ADAM18: variants seen among roughly 807,000 people sequenced by gnomAD.
The protein encoded by ADAM18 is ADAM metallopeptidase domain 18, also known as disintegrin and metalloproteinase domain-containing protein 18.
A neutral mutation model predicts 94.4 loss-of-function variants in ADAM18; 117 were observed. That is an observed-to-expected ratio of 1.24 (90% CI 1.07 to 1.45). The LOEUF is 1.45. Ranked by LOEUF, ADAM18 falls within the 40% of genes most tolerant of loss-of-function variation. ADAM18 has a pLI of 0.00. For missense variants in ADAM18, 936 were observed against 880.0 expected, an observed-to-expected ratio of 1.06 and a Z score of -0.81; for synonymous variants, 327 against 291.6, an observed-to-expected ratio of 1.12 and a Z score of -1.24.
At chr8:39,628,218 C>T (rs556803277) in intron 6 of ADAM18, among the ~76,000 whole-genome samples, 267 of 151,708 alleles carry the variant, frequency 1.8e-3, no homozygotes, top group African/African-American at 6.2e-3. Flanking sequence ...AAAAAACACA[C>T]CAATAATGAA....
chr8:39,653,191 A>G (rs550789481), intron 12 of ADAM18, among the ~76,000 whole-genome samples: 21 of 152,300 alleles, frequency 1.4e-4, no homozygotes, highest in African/African-American at 2.9e-4. Context: ...TTGTGTGTCA[A>G]CGCATGTGTT....
In ADAM18 at chr8:39,584,678, G is replaced by A. The variant is rs143451231; in HGVS notation, c.55+1G>A. On this transcript the variant is annotated splice_donor_variant, in intron 1 of 19. Transcript: ENST00000265707. LOFTEE classifies it high-confidence loss of function. ...CTTGGAAGACTGCAAGCCCACGAAG[G>A]TAAGTCCATGGGAGCCTCCCCTTTC... 9.7e-5 allele frequency: 156 copies of A among 1,613,022 alleles called. No homozygotes were observed. In the African/African-American group the frequency reaches 2.0e-3, roughly 20 times the overall value.
At position 39,662,775 on chromosome 8, in the gene ADAM18, C is replaced by G. The variant is rs1256145728; in HGVS notation, c.1231-1020C>G. On this transcript the variant is annotated intron_variant, in intron 12 of 19. Transcript: ENST00000265707. ...GAGTAGCTGGGATTACAGGCACACA[C>G]CACCACGCCTGGCTAATTTTTGTAT... Among the ~76,000 whole-genome samples, 3 of 152,072 alleles carry G rather than the reference C, an allele frequency of 2.0e-5. No individual in the cohort carries two copies. The South Asian group carries it at 6.2e-4, about 32-fold the overall frequency.
At position 39,637,638 on chromosome 8, in the gene ADAM18, A is replaced by G; in HGVS notation, c.762A>G (p.Gln254=). The G allele has an allele frequency of 1.2e-6, 2 of 1,612,866 alleles. No homozygotes were observed. The highest frequency in any genetic ancestry group is 1.7e-5 in the Admixed American group (1 of 59,848). ...GTGGGGATGCTGATGATATATTACA[A>G]AGATTTTTGGCATGGAAACGGGACT... ...STSGDADDIL[Q]RFLAWKRDYL... Residue 254 remains glutamine, a synonymous_variant, in exon 9 of 20, where the codon CAA becomes CAG. Coordinates refer to ENST00000265707, the MANE Select transcript of ADAM18 (RefSeq NM_014237.3).
chr8:39,645,991 T>G (rs1268646227), intron 11 of ADAM18, among the ~76,000 whole-genome samples: 1 of 152,124 alleles, frequency 6.6e-6, no homozygotes, highest in Non-Finnish European at 1.5e-5. Context: ...ATAGAGACAA[T>G]CTGATTAAAT....
At chr8:39,723,712 G>C in intron 18 of ADAM18, 36 bp from the exon 19 acceptor site, 2 of 1,356,902 alleles carry the variant, frequency 1.5e-6, no homozygotes, top group Non-Finnish European at 2.0e-6. Context: ...AATATCCACT[G>C]AGTCCCCACT....
Position 39,723,739 on chromosome 8 carries a change from C to T in ADAM18, c.2018-9C>T, listed in dbSNP as rs577253413. 16 of 1,454,738 alleles carry T rather than the reference C, an allele frequency of 1.1e-5. No individual in the cohort carries two copies. The South Asian group carries it at 2.1e-4, about 19-fold the overall frequency. 90.1% of individuals were successfully genotyped at this position (1,454,738 alleles called of 1,614,324 possible). ...GTCCCCACTAATTTATCATATGATTCATTTCTAGGTGACTTTTATACTGAA... is the reference window on the plus strand; with the variant it reads ...GTCCCCACTAATTTATCATATGATTTATTTCTAGGTGACTTTTATACTGAA... On this transcript the variant is annotated splice_polypyrimidine_tract_variant and intron_variant, in intron 18 of 19. Coordinates refer to ENST00000265707, the MANE Select transcript of ADAM18 (RefSeq NM_014237.3).
chr8:39,678,399 C>T (rs1225771179), intron 15 of ADAM18, among the ~76,000 whole-genome samples: 2 of 152,068 alleles, frequency 1.3e-5, no homozygotes, highest in Non-Finnish European at 2.9e-5. Flanking sequence ...GTGAAATTAC[C>T]ATGGATTATG....
At chr8:39,702,958 C>A (rs969164457) in intron 17 of ADAM18, among the ~76,000 whole-genome samples, 1 of 152,086 alleles carries the variant, frequency 6.6e-6, no homozygotes, top group African/African-American at 2.4e-5. Flanking sequence ...ATTGCCCTGG[C>A]CATTTGGACT....
chr8:39,609,136 T>A lies in ADAM18; in HGVS notation c.267+16T>A, dbSNP rs1238034966. The A allele has an allele frequency of 1.3e-6, 2 of 1,487,288 alleles. No homozygotes were observed. The highest frequency in any genetic ancestry group is 1.8e-6 in the Non-Finnish European group (2 of 1,086,736). The allele number at this position is 1,487,288 out of a possible 1,614,324, so 92.1% of individuals were successfully genotyped here. ...ATATTTTATGGTAAAGTAAGATACC[T>A]TATTTTTTTTGTTAAAGTGGTTATA... On this transcript the variant is annotated intron_variant, in intron 4 of 19. Coordinates refer to ENST00000265707, the MANE Select transcript of ADAM18 (RefSeq NM_014237.3).
rs1039917081 is a variant in ADAM18 at position 39,638,337 on chromosome 8, A to G, written c.828-128A>G. The G allele has an allele frequency of 2.3e-5, 12 of 520,658 alleles. No homozygotes were observed. The East Asian group carries it at 3.8e-4, about 17-fold the overall frequency. 32.3% of individuals were successfully genotyped at this position (520,658 alleles called of 1,614,324 possible). On this transcript the variant is annotated intron_variant, in intron 9 of 19. Transcript: ENST00000265707. ...TATTTTGTAATGTTTATTAGATATTACCTAGTTTGAAGCTTTATATATTTG... is the reference window on the plus strand; with the variant it reads ...TATTTTGTAATGTTTATTAGATATTGCCTAGTTTGAAGCTTTATATATTTG...
intron 6 of ADAM18, among the ~76,000 whole-genome samples, chr8:39,613,810 C>T (rs1384380512): frequency 6.6e-6 from 1 of 152,112 alleles, no homozygotes; most frequent in East Asian, 1.9e-4. Context: ...CTGAAAAATT[C>T]ACTAGAAGAG....
intron 17 of ADAM18, among the ~76,000 whole-genome samples, chr8:39,696,109 T>C (rs11991456): frequency 0.31 from 46,851 of 151,240 alleles, 8,021 homozygotes; most frequent in East Asian, 0.75. Context: ...AAAATGGAAT[T>C]ATCACTGTAG....
chr8:39,670,571 T>G (rs1821125825), intron 14 of ADAM18, among the ~76,000 whole-genome samples: 1 of 152,162 alleles, frequency 6.6e-6, no homozygotes, highest in Non-Finnish European at 1.5e-5. Flanking sequence ...AAATTATACA[T>G]CGAGTGTCTA....
chr8:39,655,106 C>G (rs1463203305), intron 12 of ADAM18, among the ~76,000 whole-genome samples: 2 of 151,850 alleles, frequency 1.3e-5, no homozygotes, highest in Non-Finnish European at 2.9e-5. Flanking sequence ...AAAACTTAGC[C>G]CAATTTCCCG....
At chr8:39,694,459 G>C (rs1204576286) in intron 17 of ADAM18, among the ~76,000 whole-genome samples, 1 of 151,200 alleles carries the variant, frequency 6.6e-6, no homozygotes, top group Non-Finnish European at 1.5e-5. Flanking sequence ...TTCAATTTTT[G>C]AGTATTTTAT....
intron 10 of ADAM18, among the ~76,000 whole-genome samples, chr8:39,645,101 T>C (rs141353622): frequency 7.2e-5 from 11 of 152,274 alleles, no homozygotes; most frequent in African/African-American, 2.6e-4. Flanking sequence ...TTCAAAGCTA[T>C]AGAATTTTGG....
chr8:39,676,431 G>A (rs972019419), intron 14 of ADAM18, among the ~76,000 whole-genome samples: 56 of 152,358 alleles, frequency 3.7e-4, no homozygotes, highest in African/African-American at 1.3e-3. Flanking sequence ...GCAAGGCTCT[G>A]TGGGCATGGG....
At chr8:39,593,461 G>A (rs1045306649) in intron 2 of ADAM18, among the ~76,000 whole-genome samples, 3 of 152,094 alleles carry the variant, frequency 2.0e-5, no homozygotes, top group African/African-American at 7.2e-5. Context: ...AAAAAAGTTA[G>A]AGGCATCATA....
Sources: gnomAD v4.1 joint callset for allele counts (sites outside exome capture counted in the v4.1 genomes callset) on GRCh38, gnomAD v4.1.1 for gene constraint, MANE v1.5 for transcripts, NCBI Gene and HGNC (gene_info 2026-07-23, HGNC 2026-07-21) for gene names.